MST1R: variants seen among roughly 807,000 people sequenced by gnomAD.
MST1R encodes the protein macrophage stimulating 1 receptor.
In MST1R, 99 loss-of-function variants were observed where a neutral mutation model predicts 117.8. The observed-to-expected ratio is 0.84, with a 90% CI of 0.71 to 0.99. The LOEUF (loss-of-function observed/expected upper bound fraction) is 0.99, where lower values mean the gene tolerates loss of function less well. MST1R is among the 50% of genes least tolerant of loss of function. The pLI is 0.00. For synonymous variants in MST1R, 734 were observed against 765.3 expected (o/e 0.96, Z 0.68); for missense variants, 1,683 against 1,840.2 (o/e 0.91, Z 1.56).
chr3:49,895,909 C>A (rs1455028657), intron 11 of MST1R, 29 bp from the exon 12 acceptor site: 8 of 1,577,810 alleles, frequency 5.1e-6, no homozygotes, highest in South Asian at 2.4e-5. Context: ...TCAGGCCCAG[C>A]CTGTAGGCCC....
chr3:49,898,920 G>A lies in MST1R; in HGVS notation c.1495C>T (p.Gln499Ter), dbSNP rs752680436. ...FSLGDSGQPVQRDVSRLGDHL... is the reference protein window; with the variant it reads ...FSLGDSGQPV ...TCCCCAAGACGACTGACATCCCGCT[G>A]CACGGGCTGCCCACTGTCACCCAGT... Residue 499 changes from glutamine to a stop codon, truncating the protein, a stop_gained, in exon 3 of 20, where the codon CAG (glutamine) becomes TAG (stop). Transcript: ENST00000296474. LOFTEE classifies it high-confidence loss of function. 3.1e-6 allele frequency: 5 copies of A among 1,614,190 alleles called. No homozygotes were observed. The Admixed American group carries it at 6.7e-5, about 22-fold the overall frequency.
intron 4 of MST1R, 33 bp from the exon 5 acceptor site, chr3:49,898,244 T>C (rs778695898): frequency 6.2e-7 from 1 of 1,611,602 alleles, no homozygotes; most frequent in Non-Finnish European, 8.5e-7. Context: ...AGTCCTCATG[T>C]GGGGTTGGGC....
At chr3:49,895,660 A>C in intron 12 of MST1R, 55 bp downstream of exon 12, 1 of 1,612,432 alleles carries the variant, frequency 6.2e-7, no homozygotes, top group African/African-American at 1.3e-5. Context: ...TAGGGACTTG[A>C]AGATGCCATT....
In MST1R at chr3:49,898,208, G is replaced by A. The variant is rs191131637; in HGVS notation, c.1723C>T (p.His575Tyr). Reference sequence around the variant, plus strand: ...CCCCTTAGAGGTCCACTGTGGGGGTGGAACTGAAATGGGGGAAACAGCCTG... The same window carrying A: ...CCCCTTAGAGGTCCACTGTGGGGGTAGAACTGAAATGGGGGAAACAGCCTG... ...DHCPPKLTEF[H>Y]PHSGPLRGST... is the part of the protein sequence containing the mutation. Residue 575 changes from histidine (H) to tyrosine (Y), a missense_variant, in exon 5 of 20, where the codon CAC becomes TAC. His to Tyr is a moderately conservative substitution (Grantham distance 83). Transcript: ENST00000296474. 8.1e-6 allele frequency: 13 copies of A among 1,613,656 alleles called. 1 individual carries two copies. In the African/African-American group the frequency reaches 1.1e-4, roughly 13 times the overall value.
chr3:49,902,625 C>A lies in MST1R; in HGVS notation c.985G>T (p.Val329Leu), dbSNP rs767928869. 4 of 1,613,392 alleles carry A rather than the reference C, an allele frequency of 2.5e-6. No individual in the cohort carries two copies. The African/African-American group carries it at 5.3e-5, about 22-fold the overall frequency. Residue 329 changes from valine (V) to leucine (L), a missense_variant, in exon 1 of 20, where the codon GTG (valine) becomes TTG (leucine). Val to Leu is a conservative substitution (Grantham distance 32). Transcript: ENST00000296474. ...PVLRVAHSAP[V>L]GAQLATELSI... is the part of the protein sequence containing the mutation. ...AGCTCAGTGGCAAGTTGGGCACCCA[C>A]TGGAGCGGAGTGGGCCACCCGCAGC...
intron 18 of MST1R, 99 bp downstream of exon 18, chr3:49,890,385 TG>T: frequency 2.3e-6 from 3 of 1,325,444 alleles, no homozygotes; most frequent in Non-Finnish European, 2.1e-6. Flanking sequence ...TCATCTACCC[TG>T]GGGACTCCCT....
chr3:49,902,276 C>T (rs1383745545), intron 1 of MST1R, 104 bp downstream of exon 1: 25 of 1,438,140 alleles, frequency 1.7e-5, no homozygotes, highest in Admixed American at 4.3e-5. Context: ...TTTCCGCCTG[C>T]CCCCCCACCG....
intron 19 of MST1R, among the ~76,000 whole-genome samples, chr3:49,888,165 G>A (rs2082215979): frequency 6.6e-6 from 1 of 150,798 alleles, no homozygotes; most frequent in African/African-American, 2.4e-5. Context: ...AGCTGGGCGT[G>A]GTGGCTCACG....
intron 1 of MST1R, 26 bp downstream of exon 1, chr3:49,902,354 A>C: frequency 6.2e-7 from 1 of 1,604,170 alleles, no homozygotes; most frequent in Non-Finnish European, 8.5e-7. Context: ...GCAGCTCACA[A>C]GTAAGGGCCC....
intron 15 of MST1R, 30 bp from the exon 16 acceptor site, chr3:49,891,610 C>T (rs980603157): frequency 4.3e-6 from 7 of 1,612,160 alleles, no homozygotes; most frequent in Non-Finnish European, 5.9e-6. Context: ...AGGCACAGGG[C>T]AGGGCGTCCC....
At position 49,899,070 on chromosome 3, in the gene MST1R, C is replaced by T. The variant is rs753529826; in HGVS notation, c.1419+5G>A. ...GGCTAGGGGACTGTGGGGATGAGGA[C>T]CCACCTGCAGGATACGCCCATCCAT... On this transcript the variant is annotated splice_donor_5th_base_variant and intron_variant, in intron 2 of 19. Transcript: ENST00000296474. The T allele has an allele frequency of 6.2e-7, 1 of 1,614,106 alleles. No homozygotes were observed. The highest frequency in any genetic ancestry group is 8.5e-7 in the Non-Finnish European group (1 of 1,180,038).
At chr3:49,900,971 C>T (rs1350443208) in intron 1 of MST1R, among the ~76,000 whole-genome samples, 2 of 152,220 alleles carry the variant, frequency 1.3e-5, no homozygotes, top group Admixed American at 6.5e-5. Context: ...CGGGGTGATT[C>T]ACACACCTCC....
chr3:49,899,449 G>T, intron 1 of MST1R, 186 bp from the exon 2 acceptor site: 1 of 624,610 alleles, frequency 1.6e-6, no homozygotes, highest in Non-Finnish European at 2.8e-6. Flanking sequence ...AGCAAGGGCA[G>T]GGAGAAGGCC....
In MST1R at chr3:49,902,818, T is replaced by C. The variant is rs200272478; in HGVS notation, c.792A>G (p.Val264=). 243 of 1,613,708 alleles carry C rather than the reference T, an allele frequency of 1.5e-4. No individual in the cohort carries two copies. The highest frequency in any genetic ancestry group is 3.3e-5 in the Admixed American group (2 of 60,016). ...HTGAFVYFLT[V]QPASVTDDPS... is the part of the protein sequence containing the mutation. ...GATCATCTGTCACGCTGGCCGGCTG[T>C]ACAGTCAGGAAGTATACGAAGGCTC... The change falls in exon 1 of 20, where the codon GTA becomes GTG. Residue 264 remains valine, a synonymous_variant. Coordinates refer to ENST00000296474, the MANE Select transcript of MST1R (RefSeq NM_002447.4).
In MST1R at chr3:49,887,114, A is replaced by G; in HGVS notation, c.*193T>C. On this transcript the variant is annotated 3_prime_UTR_variant, in exon 20 of 20. Coordinates refer to ENST00000296474, the MANE Select transcript of MST1R (RefSeq NM_002447.4). The stretch of plus-strand genomic sequence containing the variant: ...AGGGTCCACAGCAGGCACTCCATAA[A>G]TACATGTTGCAGGACTGCCCTCACT... The G allele has an allele frequency of 1.4e-6, 1 of 714,104 alleles. No individual in the cohort carries two copies. Among genetic ancestry groups the G allele is most frequent in the Non-Finnish European group, 2.3e-6 (1 of 433,808 alleles). 44.2% of individuals were successfully genotyped at this position (714,104 alleles called of 1,614,324 possible).
chr3:49,891,776 C>A lies in MST1R; in HGVS notation c.3334G>T (p.Ala1112Ser). ...CACTTACGACTTAGTGACTTGATGG[C>A]ACATTGGATTCGATTCTGGGCCTGG... ...IDQAQNRIQC[A>S]IKSLSRITEM... The change falls in exon 15 of 20, where the codon GCC becomes TCC. Residue 1112 changes from alanine (A) to serine (S), a missense_variant. Physicochemically the swap from Ala to Ser is moderately conservative, Grantham distance 99 (BLOSUM62 1). Coordinates refer to ENST00000296474, the MANE Select transcript of MST1R (RefSeq NM_002447.4). 5 of 1,614,098 alleles carry A rather than the reference C, an allele frequency of 3.1e-6. No individual in the cohort carries two copies. The highest frequency in any genetic ancestry group is 4.2e-6 in the Non-Finnish European group (5 of 1,180,008).
chr3:49,903,722 C>G lies in MST1R; in HGVS notation c.-113G>C. The G allele has an allele frequency of 7.2e-7, 1 of 1,387,658 alleles. No homozygotes were observed. The highest frequency in any genetic ancestry group is 1.4e-5 in the South Asian group (1 of 69,804). 86.0% of individuals were successfully genotyped at this position (1,387,658 alleles called of 1,614,324 possible). ...GACTGGGCCAAATTTAAGCAGCGGT[C>G]CCGACAGCCCCAAGATAGCGGACCC... On this transcript the variant is annotated 5_prime_UTR_variant, in exon 1 of 20. Coordinates refer to ENST00000296474, the MANE Select transcript of MST1R (RefSeq NM_002447.4).
In MST1R at chr3:49,902,959, A is replaced by G; in HGVS notation, c.651T>C (p.Ser217=). ...VAASFSPRSV[S]IRRLKADASG... ...AGGCGTCAGCCTTGAGACGCCTGAT[A>G]GACACTGAGCGTGGGCTGAAGCTGG... Residue 217 remains serine (S), a synonymous_variant, in exon 1 of 20, where the codon TCT becomes TCC. Coordinates refer to ENST00000296474, the MANE Select transcript of MST1R (RefSeq NM_002447.4). The G allele has an allele frequency of 1.2e-6, 2 of 1,613,308 alleles. No homozygotes were observed. The highest frequency in any genetic ancestry group is 1.3e-5 in the African/African-American group (1 of 75,082).
At chr3:49,899,312 C>CAGAGGGTCGGGGCACAAG in intron 1 of MST1R, 49 bp from the exon 2 acceptor site, 1 of 1,601,854 alleles carries the variant, frequency 6.2e-7, no homozygotes, top group Non-Finnish European at 8.5e-7. Flanking sequence ...CCTTGTGCCC[C>CAGAGGGTCGGGGCACAAG]GACCCTCTGG....
Sources: allele counts gnomAD v4.1 joint callset (sites outside exome capture counted in the v4.1 genomes callset), GRCh38; gene constraint gnomAD v4.1.1; transcripts MANE v1.5; gene names NCBI Gene and HGNC (gene_info 2026-07-23, HGNC 2026-07-21).